The following DNAH2 variants were observed in gnomAD, a reference collection of about 807,000 sequenced individuals.
The protein encoded by DNAH2 is axonemal beta dynein heavy chain 2.
DNAH2 carries 323 observed loss-of-function variants against 523.5 expected under a neutral mutation model. The ratio of observed to expected loss-of-function variants is 0.62; its 90% CI spans 0.56 to 0.68. DNAH2 has a LOEUF of 0.68. Ranked by LOEUF, DNAH2 falls within the 30% of genes least tolerant of loss-of-function variation. The pLI, the probability that DNAH2 is intolerant of heterozygous loss-of-function variation, is 0.00. For synonymous variants in DNAH2, 2,093 were observed against 2,177.4 expected, an observed-to-expected ratio of 0.96 and a Z score of 1.08; for missense variants, 4,907 against 5,701.5, an observed-to-expected ratio of 0.86 and a Z score of 4.49.
At chr17:7,785,846 A>C (rs2076718952) in intron 39 of DNAH2, among the ~76,000 whole-genome samples, 1 of 151,542 alleles carries the variant, frequency 6.6e-6, no homozygotes, top group African/African-American at 2.4e-5. Context: ...AGCTACATGT[A>C]AGACACTGTG....
chr17:7,797,072 A>T (rs1361438999), intron 50 of DNAH2, 104 bp from the exon 51 acceptor site: 19 of 1,061,918 alleles, frequency 1.8e-5, no homozygotes, highest in Non-Finnish European at 2.5e-5. Context: ...ACTGCAGTCC[A>T]GCCTTGGAGA....
chr17:7,818,880 C>CT (rs1430685442), intron 70 of DNAH2, 39 bp from the exon 71 acceptor site: 1 of 1,607,668 alleles, frequency 6.2e-7, no homozygotes, highest in African/African-American at 1.3e-5. Context: ...CCTGGTCCCG[C>CT]TAACCCCTTG....
At position 7,779,339 on chromosome 17, in the gene DNAH2, G is replaced by A. The variant is rs1421243118; in HGVS notation, c.5638G>A (p.Ala1880Thr). The A allele has an allele frequency of 6.2e-7, 1 of 1,614,136 alleles. No individual in the cohort carries two copies. Among genetic ancestry groups the A allele is most frequent in the East Asian group, 2.2e-5 (1 of 44,886 alleles). The change falls in exon 36 of 86, where the codon GCT (alanine) becomes ACT (threonine). Residue 1880 changes from alanine (A) to threonine (T), a missense_variant. This residue lies in a region of DNAH2 where 2,806 missense variants were observed against 3,190.8 expected (regional missense o/e 0.88). Transcript: ENST00000572933. Reference protein sequence around the residue: ...HQILCILSALAAGLTHFHFDG... With the variant: ...HQILCILSALTAGLTHFHFDG... ...GATCCTGTGCATCCTGTCTGCCCTG[G>A]CTGCCGGCCTCACCCATTTCCATTT...
At position 7,719,912 on chromosome 17, in the gene DNAH2, C is replaced by G; in HGVS notation, c.166+12C>G. 1.3e-6 allele frequency: 2 copies of G among 1,509,190 alleles called. No homozygotes were observed. The highest frequency in any genetic ancestry group is 1.3e-5 in the South Asian group (1 of 74,502). 93.5% of individuals were successfully genotyped at this position (1,509,190 alleles called of 1,614,324 possible). On this transcript the variant is annotated intron_variant, in intron 2 of 85. Coordinates refer to ENST00000572933, the MANE Select transcript of DNAH2 (RefSeq NM_020877.5). ...CAAGGAGGAGCCTGGTGGGTACTTG[C>G]TGGGGCAGAGGATGCTTAGCAATGG...
At chr17:7,815,561 T>C (rs991086263) in intron 63 of DNAH2, among the ~76,000 whole-genome samples, 5 of 139,808 alleles carry the variant, frequency 3.6e-5, no homozygotes, top group African/African-American at 1.1e-4. Flanking sequence ...TACAGGATCA[T>C]ACACACATAT....
chr17:7,721,566 G>T (rs757227401), intron 2 of DNAH2, among the ~76,000 whole-genome samples: 4 of 152,064 alleles, frequency 2.6e-5, no homozygotes, highest in African/African-American at 9.7e-5. Flanking sequence ...ACTAAGCTCC[G>T]GAATCGCCTG....
chr17:7,833,399 T>C lies in DNAH2; in HGVS notation c.13150T>C (p.Tyr4384His). 6.2e-7 allele frequency: 1 copy of C among 1,614,156 alleles called. No homozygotes were observed. Among genetic ancestry groups the C allele is most frequent in the Non-Finnish European group, 8.5e-7 (1 of 1,180,036 alleles). ...CCCAGGCATGTACTCCTGCCCCTGC[T>C]ATTACTATCCCAACCGGGCAGGCAG... ...SAKGMYSCPCYYYPNRAGSSD... is the reference protein window; with the variant it reads ...SAKGMYSCPCHYYPNRAGSSD... The change falls in exon 86 of 86, where the codon TAT becomes CAT. Residue 4384 changes from tyrosine to histidine, a missense_variant. By Grantham distance (83) the Tyr-to-His change is moderately conservative. Around this residue, in one of 3 missense-constraint regions of DNAH2, gnomAD observed 1,851 missense variants for 2,139.4 expected, o/e 0.87. Transcript: ENST00000572933.
chr17:7,781,277 C>G, intron 39 of DNAH2, 110 bp downstream of exon 39: 1 of 1,253,750 alleles, frequency 8.0e-7, no homozygotes, highest in Non-Finnish European at 1.1e-6. Flanking sequence ...GAGTTTGAGA[C>G]TAGCCTGGGC....
chr17:7,787,600 GTGT>G (rs1415681992), intron 42 of DNAH2: 2 of 381,098 alleles, frequency 5.2e-6, no homozygotes, highest in East Asian at 5.1e-5. Context: ...GCTGGGTGTG[GTGT>G]TGTGCACCTG....
intron 39 of DNAH2, among the ~76,000 whole-genome samples, chr17:7,783,619 T>G (rs1302325542): frequency 4.0e-5 from 6 of 151,678 alleles, no homozygotes; most frequent in African/African-American, 1.5e-4. Flanking sequence ...GGTGAGGAGT[T>G]TGAGACCAGC....
At chr17:7,773,136 G>A (rs1008750631) in intron 28 of DNAH2, among the ~76,000 whole-genome samples, 2 of 152,186 alleles carry the variant, frequency 1.3e-5, no homozygotes, top group African/African-American at 4.8e-5. Context: ...AAAACTCAGT[G>A]AGGTGAATTG....
rs372167084 is a variant in DNAH2 at position 7,734,516 on chromosome 17, C to A, written c.786C>A (p.Ala262=). ...GGCAGATAAAGGAGATGCTCAGTGC[C>A]CAGGAGACTGTGGAGACAGGAGAAA... ...WTRQIKEMLS[A]QETVETGENL... The change falls in exon 7 of 86, where the codon GCC becomes GCA. Residue 262 remains alanine, a synonymous_variant. Transcript: ENST00000572933. 181 of 1,613,578 alleles carry A rather than the reference C, an allele frequency of 1.1e-4. No individual in the cohort carries two copies. The highest frequency in any genetic ancestry group is 1.4e-4 in the Non-Finnish European group (164 of 1,179,998).
chr17:7,767,657 G>A (rs1430829508), intron 22 of DNAH2, among the ~76,000 whole-genome samples: 1 of 150,626 alleles, frequency 6.6e-6, no homozygotes, highest in African/African-American at 2.4e-5. Flanking sequence ...GTGTGAAGTG[G>A]CATCCCACTG....
At chr17:7,753,384 C>T (rs998400220) in intron 12 of DNAH2, among the ~76,000 whole-genome samples, 1 of 152,058 alleles carries the variant, frequency 6.6e-6, no homozygotes, top group South Asian at 2.1e-4. Flanking sequence ...CATCAGCTTT[C>T]GGAAGGCAGC....
intron 77 of DNAH2, 32 bp downstream of exon 77, chr17:7,824,759 G>A (rs781271879): frequency 1.0e-4 from 151 of 1,453,302 alleles, no homozygotes; most frequent in Non-Finnish European, 1.3e-4. Flanking sequence ...GCATCATCAG[G>A]GCCATCTGGT....
rs1181421847 is a variant in DNAH2, at chr17:7,765,384, C to A, written c.3337-7C>A. On this transcript the variant is annotated splice_region_variant and splice_polypyrimidine_tract_variant and intron_variant, in intron 20 of 85. Transcript: ENST00000572933. ...CCTGGTCATCCTCCACTCTCTGACT[C>A]CCCCAGGTCCTGGAGATGCTGGACA... The A allele has an allele frequency of 1.2e-6, 2 of 1,609,856 alleles. No individual in the cohort carries two copies. The highest frequency in any genetic ancestry group is 2.7e-5 in the African/African-American group (2 of 74,832).
chr17:7,832,561 C>T lies in DNAH2; in HGVS notation c.12727-18C>T. The T allele has an allele frequency of 6.2e-7, 1 of 1,612,422 alleles. No individual in the cohort carries two copies. Among genetic ancestry groups the T allele is most frequent in the Non-Finnish European group, 8.5e-7 (1 of 1,179,208 alleles). On this transcript the variant is annotated intron_variant, in intron 82 of 85. Coordinates refer to ENST00000572933, the MANE Select transcript of DNAH2 (RefSeq NM_020877.5). This position sits in a 1 kb window ranked among gnomAD's most constrained non-coding sequence, Gnocchi z 4.3. Reference sequence around the variant, plus strand: ...ATGCACGGCTAAATGAGTGAATACACACGCACTCCTTCCCCAGGCATACCC... The same window carrying T: ...ATGCACGGCTAAATGAGTGAATACATACGCACTCCTTCCCCAGGCATACCC...
At chr17:7,791,511 T>C (rs1432044323) in intron 44 of DNAH2, among the ~76,000 whole-genome samples, 1 of 152,262 alleles carries the variant, frequency 6.6e-6, no homozygotes, top group African/African-American at 2.4e-5. Flanking sequence ...TATTCCATGA[T>C]AGAACACTAC....
At chr17:7,740,066 C>CGG (rs35897432) in intron 9 of DNAH2, 128 bp downstream of exon 9, 3,848 of 281,564 alleles carry the variant, frequency 0.014, 28 homozygotes, top group African/African-American at 0.025. Context: ...GGCGGTGGCC[C>CGG]GGGGGGGGGG....
Sources: allele counts gnomAD v4.1 joint callset (sites outside exome capture counted in the v4.1 genomes callset), GRCh38; gene constraint gnomAD v4.1.1; regional missense constraint gnomAD v4.1.1; non-coding constraint Gnocchi (gnomAD v3.1); transcripts MANE v1.5; gene names NCBI Gene and HGNC (gene_info 2026-07-23, HGNC 2026-07-21).